BRWD3: variants seen among roughly 807,000 people sequenced by gnomAD.
BRWD3 encodes the protein bromodomain and WD repeat-containing protein 3.
In BRWD3, 10 loss-of-function variants were observed where a neutral mutation model predicts 149.7. That is an observed-to-expected ratio of 0.07 (90% confidence interval 0.04 to 0.11). The LOEUF (loss-of-function observed/expected upper bound fraction) is 0.11. Among genes scored for constraint, BRWD3 ranks in the 10% least tolerant of loss-of-function variants. The pLI, the probability that BRWD3 is intolerant of heterozygous loss-of-function variation, is 1.00. For missense variants in BRWD3, 940 were observed against 1,373.2 expected (o/e 0.68, Z 4.99); for synonymous variants, 504 against 456.7 (o/e 1.10, Z -1.32).
intron 18 of BRWD3, among the ~76,000 whole-genome samples, chrX:80,718,385 A>T (rs907685901): frequency 8.9e-6 from 1 of 112,182 alleles, no homozygotes; most frequent in African/African-American, 3.2e-5. Flanking sequence ...TTCAAAACAA[A>T]TCAATATTAC....
intron 6 of BRWD3, among the ~76,000 whole-genome samples, chrX:80,769,732 A>C (rs766484637): frequency 9.1e-6 from 1 of 110,246 alleles, no homozygotes; most frequent in African/African-American, 3.3e-5. Context: ...AAGGCAAGAA[A>C]TAACTAAGAT....
chrX:80,741,421 A>AT (rs201215263), intron 8 of BRWD3, among the ~76,000 whole-genome samples: 1,415 of 111,962 alleles, frequency 0.013, 33 homozygotes, highest in African/African-American at 0.044. Context: ...TTGGGTATAT[A>AT]CCCAGTAATG....
chrX:80,716,067 T>C, intron 20 of BRWD3, 90 bp downstream of exon 20: 2 of 737,062 alleles, frequency 2.7e-6, no homozygotes, highest in Non-Finnish European at 4.2e-6. Flanking sequence ...TAAAATAGTC[T>C]CTTAACACAC....
intron 4 of BRWD3, among the ~76,000 whole-genome samples, chrX:80,801,058 A>G (rs1034259687): frequency 7.8e-4 from 85 of 109,311 alleles, no homozygotes; most frequent in African/African-American, 2.7e-3. Context: ...AGAAAAGTCC[A>G]ACAAAAGAAC....
intron 6 of BRWD3, among the ~76,000 whole-genome samples, chrX:80,762,314 C>T (rs757066136): frequency 5.4e-5 from 6 of 111,644 alleles, no homozygotes; most frequent in African/African-American, 2.0e-4. Context: ...AAACTAAGGA[C>T]CATGTTGATG....
intron 6 of BRWD3, among the ~76,000 whole-genome samples, chrX:80,760,377 G>A (rs1425765602): frequency 9.0e-6 from 1 of 111,409 alleles, no homozygotes; most frequent in African/African-American, 3.3e-5. Flanking sequence ...ATTATATCAC[G>A]AACATAGCAA....
chrX:80,694,179 T>C (rs2072648876), intron 27 of BRWD3, among the ~76,000 whole-genome samples: 1 of 112,056 alleles, frequency 8.9e-6, no homozygotes, highest in African/African-American at 3.2e-5. Context: ...TCAAAGGGTG[T>C]AAGCCCCAAA....
chrX:80,809,107 A>G (rs1179828918), intron 2 of BRWD3, 65 bp from the exon 3 acceptor site: 2 of 1,154,283 alleles, frequency 1.7e-6, no homozygotes, highest in African/African-American at 3.6e-5. Flanking sequence ...CTCCCTCCAC[A>G]CTTAAAGCCC....
intron 38 of BRWD3, among the ~76,000 whole-genome samples, 181 bp downstream of exon 38, chrX:80,682,284 G>A (rs2072459793): frequency 9.0e-6 from 1 of 111,280 alleles, no homozygotes; most frequent in Non-Finnish European, 1.9e-5. Context: ...AAGTTTCTGG[G>A]ATAGTAAAAC....
intron 7 of BRWD3, 91 bp downstream of exon 7, chrX:80,745,478 A>T (rs989690651): frequency 5.6e-6 from 5 of 886,452 alleles, no homozygotes; most frequent in Non-Finnish European, 7.9e-6. Flanking sequence ...AAAAAAGTGA[A>T]CTGCTTACAA....
chrX:80,726,758 G>C (rs1329402476), intron 14 of BRWD3, among the ~76,000 whole-genome samples: 3 of 110,918 alleles, frequency 2.7e-5, no homozygotes, highest in African/African-American at 9.8e-5. Flanking sequence ...TCAAAATGTA[G>C]TGTTAAGATT....
chrX:80,769,095 G>A (rs767812307), intron 6 of BRWD3, among the ~76,000 whole-genome samples: 78 of 110,981 alleles, frequency 7.0e-4, no homozygotes, highest in Non-Finnish European at 1.2e-3. Flanking sequence ...CATAAAGCAA[G>A]TCCTTAGAGA....
intron 39 of BRWD3, 75 bp downstream of exon 39, chrX:80,681,922 A>G (rs1053200712): frequency 1.1e-6 from 1 of 872,585 alleles, no homozygotes. Flanking sequence ...ACTATAAACC[A>G]TGCTGCCTCT....
intron 37 of BRWD3, among the ~76,000 whole-genome samples, chrX:80,683,675 T>C (rs757976645): frequency 1.8e-5 from 2 of 111,876 alleles, no homozygotes; most frequent in East Asian, 2.8e-4. Context: ...TTAGAATAAA[T>C]GGAACATACA....
At chrX:80,717,437 A>G (rs1023822140) in intron 19 of BRWD3, 136 bp downstream of exon 19, 10 of 588,593 alleles carry the variant, frequency 1.7e-5, no homozygotes, top group Non-Finnish European at 2.5e-5. Flanking sequence ...ACTCACTGGA[A>G]TAATATGGAA....
chrX:80,741,096 T>G (rs2073487181), intron 8 of BRWD3, among the ~76,000 whole-genome samples: 1 of 109,749 alleles, frequency 9.1e-6, no homozygotes, highest in African/African-American at 3.3e-5. Context: ...TGTGTGATGT[T>G]CCCCTTCCTG....
chrX:80,782,768 G>A (rs2074068823), intron 6 of BRWD3, among the ~76,000 whole-genome samples: 1 of 110,383 alleles, frequency 9.1e-6, no homozygotes, highest in African/African-American at 3.3e-5. Context: ...TCCAGAAGTG[G>A]TGGTGCATGC....
chrX:80,736,347 T>C (rs1464012593), intron 8 of BRWD3, among the ~76,000 whole-genome samples: 2 of 111,807 alleles, frequency 1.8e-5, no homozygotes, highest in Non-Finnish European at 3.8e-5. Context: ...ACTTTTAAAT[T>C]ATTTAACATT....
chrX:80,725,117 T>C, intron 14 of BRWD3, 50 bp from the exon 15 acceptor site: 1 of 1,167,798 alleles, frequency 8.6e-7, no homozygotes, highest in Non-Finnish European at 1.2e-6. Context: ...AATGTTTGGT[T>C]CATTTGGTAA....
Sources: gnomAD v4.1 joint callset for allele counts (sites outside exome capture counted in the v4.1 genomes callset) on GRCh38, gnomAD v4.1.1 for gene constraint, MANE v1.5 for transcripts, NCBI Gene and HGNC (gene_info 2026-07-23, HGNC 2026-07-21) for gene names.